Variants in SMG7 observed in about 807,000 individuals in gnomAD.
SMG7 encodes SMG7 nonsense mediated mRNA decay factor.
A neutral mutation model predicts 148.2 loss-of-function variants in SMG7; 34 were observed. That is an observed-to-expected ratio of 0.23 (90% CI 0.17 to 0.31). The LOEUF (loss-of-function observed/expected upper bound fraction) is 0.31, where lower values mean the gene tolerates loss of function less well. SMG7 is among the 10% of genes least tolerant of loss of function. The probability of loss-of-function intolerance (pLI) is 1.00; values close to 1 mark genes in which losing one functional copy is unlikely to be tolerated. For missense variants in SMG7, 1,114 were observed against 1,408.4 expected, an observed-to-expected ratio of 0.79 and a Z score of 3.35; for synonymous variants, 492 against 515.1, an observed-to-expected ratio of 0.96 and a Z score of 0.61.
chr1:183,552,282 A>C lies in SMG7; in HGVS notation c.*351A>C. ...CTGAGAAGGGAAGGCAGATGGGAGAAGCCAATGGGAACTTCTCAGTCCTTT... is the reference window on the plus strand; with the variant it reads ...CTGAGAAGGGAAGGCAGATGGGAGACGCCAATGGGAACTTCTCAGTCCTTT... On this transcript the variant is annotated 3_prime_UTR_variant, in exon 23 of 23. Transcript: ENST00000688051. 9.8e-7 allele frequency: 1 copy of C among 1,019,410 alleles called. No individual in the cohort carries two copies. The highest frequency in any genetic ancestry group is 9.1e-5 in the East Asian group (1 of 10,972). 63.1% of individuals were successfully genotyped at this position (1,019,410 alleles called of 1,614,324 possible). A position where few individuals can be genotyped will look rare whatever the true frequency, so the allele number is the denominator to read the frequency against.
intron 1 of SMG7, among the ~76,000 whole-genome samples, chr1:183,476,652 G>A (rs1210235735): frequency 2.0e-5 from 3 of 152,174 alleles, no homozygotes; most frequent in Non-Finnish European, 4.4e-5. Flanking sequence ...TTCTGGGCAG[G>A]AAAGGATAAT....
chr1:183,529,636 C>T lies in SMG7; in HGVS notation c.843+103C>T, dbSNP rs1165426855. 7 of 865,752 alleles carry T rather than the reference C, an allele frequency of 8.1e-6. No individual in the cohort carries two copies. In the Admixed American group the frequency reaches 1.7e-4, roughly 21 times the overall value. 53.6% of individuals were successfully genotyped at this position (865,752 alleles called of 1,614,324 possible). ...TTTTGTAGTTACTTAACTGTGTGAACTATTGGTAAAAATTATATTCGAAGT... is the reference window on the plus strand; with the variant it reads ...TTTTGTAGTTACTTAACTGTGTGAATTATTGGTAAAAATTATATTCGAAGT... On this transcript the variant is annotated intron_variant, in intron 8 of 22. Transcript: ENST00000688051.
At chr1:183,525,409 G>A (rs952945249) in intron 4 of SMG7, among the ~76,000 whole-genome samples, 43 of 152,266 alleles carry the variant, frequency 2.8e-4, no homozygotes, top group African/African-American at 9.6e-4. Context: ...GAGGGGTTGT[G>A]TGGAAGCCAG....
At position 183,473,660 on chromosome 1, in the gene SMG7, G is replaced by A. The variant is rs1250396019; in HGVS notation, c.29+1011G>A. The A allele has an allele frequency of 3.9e-6, 3 of 759,578 alleles. No homozygotes were observed. In the African/African-American group the frequency reaches 5.7e-5, roughly 14 times the overall value. The allele number at this position is 759,578 out of a possible 1,614,324, so 47.1% of individuals were successfully genotyped here. On this transcript the variant is annotated intron_variant, in intron 1 of 22. Transcript: ENST00000688051. ...AGGTTGTTAGATCCTGAAATTAACT[G>A]GGGAGTGACTACTGCTTAGAAAAGG...
chr1:183,475,436 G>C (rs1448511582), intron 1 of SMG7, among the ~76,000 whole-genome samples: 4 of 152,180 alleles, frequency 2.6e-5, no homozygotes, highest in Non-Finnish European at 5.9e-5. Context: ...ATAATTTATA[G>C]TTAAAATGGG....
intron 1 of SMG7, chr1:183,502,280 G>A: frequency 6.5e-7 from 1 of 1,533,200 alleles, no homozygotes; most frequent in Non-Finnish European, 8.7e-7. Context: ...TACCTTATGA[G>A]AAATTGGATG....
intron 1 of SMG7, among the ~76,000 whole-genome samples, chr1:183,480,831 AG>A (rs1557942761): frequency 6.6e-6 from 1 of 152,172 alleles, no homozygotes; most frequent in African/African-American, 2.4e-5. Context: ...TCTTCCTGCA[AG>A]CATCAAGAAG....
At chr1:183,529,792 A>G (rs890558356) in intron 8 of SMG7, among the ~76,000 whole-genome samples, 1 of 152,156 alleles carries the variant, frequency 6.6e-6, no homozygotes, top group African/African-American at 2.4e-5. Flanking sequence ...GGAAAAAAAT[A>G]AATAACTCCT....
Position 183,480,213 on chromosome 1 carries a change from TC to T in SMG7, c.29+7567del, listed in dbSNP as rs1356491893. On this transcript the variant is annotated intron_variant, in intron 1 of 22. Transcript: ENST00000688051. ...GTGTCGCTCTCTTCTTTTAAATTAT[TC>T]CCTTTACCGATCTTACTTTCTGTGA... Among the ~76,000 whole-genome samples the T allele has an allele frequency of 2.0e-5, 3 of 152,170 alleles. No individual in the cohort carries two copies. In the East Asian group the frequency reaches 5.8e-4, roughly 29 times the overall value.
intron 6 of SMG7, 87 bp from the exon 7 acceptor site, chr1:183,528,805 G>A: frequency 8.7e-7 from 1 of 1,154,438 alleles, no homozygotes; most frequent in Non-Finnish European, 1.2e-6. Flanking sequence ...CCCATTGTTT[G>A]AGTATTTAAA....
chr1:183,511,552 G>A (rs932650620), intron 1 of SMG7, among the ~76,000 whole-genome samples: 9 of 152,168 alleles, frequency 5.9e-5, no homozygotes, highest in East Asian at 1.9e-4. Context: ...AAATGAGCCC[G>A]GAGATCAAGG....
intron 4 of SMG7, 41 bp downstream of exon 4, chr1:183,517,861 G>T: frequency 6.2e-7 from 1 of 1,602,854 alleles, no homozygotes; most frequent in Non-Finnish European, 8.5e-7. Flanking sequence ...ACTATTAGTG[G>T]TAAATATTCT....
chr1:183,510,027 G>C (rs914275398), intron 1 of SMG7, among the ~76,000 whole-genome samples: 1 of 152,146 alleles, frequency 6.6e-6, no homozygotes, highest in African/African-American at 2.4e-5. Context: ...TTAGGTGGAT[G>C]TTAGCATACT....
chr1:183,530,305 G>A lies in SMG7; in HGVS notation c.843+772G>A, dbSNP rs927744010. ...TTTCTGTAAGTTCTTTATAAGTCAGGCATTTTAAGAGATTGTAGAACTTGG... is the reference window on the plus strand; with the variant it reads ...TTTCTGTAAGTTCTTTATAAGTCAGACATTTTAAGAGATTGTAGAACTTGG... On this transcript the variant is annotated intron_variant, in intron 8 of 22. Coordinates refer to ENST00000688051, the MANE Select transcript of SMG7 (RefSeq NM_001375584.1). Among the ~76,000 whole-genome samples the A allele has an allele frequency of 1.9e-4, 29 of 152,048 alleles. 1 individual carries two copies. The highest frequency in any genetic ancestry group is 4.1e-4 in the Non-Finnish European group (28 of 67,970).
chr1:183,502,639 G>T (rs1467776301), intron 1 of SMG7, among the ~76,000 whole-genome samples: 1 of 152,080 alleles, frequency 6.6e-6, no homozygotes, highest in African/African-American at 2.4e-5. Flanking sequence ...TTTTACTGAA[G>T]TAAATTTTTA....
At chr1:183,480,591 A>G (rs1387513652) in intron 1 of SMG7, among the ~76,000 whole-genome samples, 1 of 152,096 alleles carries the variant, frequency 6.6e-6, no homozygotes, top group East Asian at 1.9e-4. Flanking sequence ...AGTTTGGGCC[A>G]TGCTATATCC....
intron 1 of SMG7, among the ~76,000 whole-genome samples, chr1:183,511,068 A>C (rs1662013128): frequency 6.6e-6 from 1 of 152,024 alleles, no homozygotes; most frequent in Non-Finnish European, 1.5e-5. Flanking sequence ...AGGCTGAGGC[A>C]GGAGGATCTC....
At chr1:183,515,658 A>T (rs1239451372) in intron 2 of SMG7, among the ~76,000 whole-genome samples, 1 of 151,034 alleles carries the variant, frequency 6.6e-6, no homozygotes, top group Non-Finnish European at 1.5e-5. Flanking sequence ...TTTCAAAACT[A>T]AAAACAGAAG....
chr1:183,530,237 G>A (rs1666621019), intron 8 of SMG7, among the ~76,000 whole-genome samples: 1 of 151,978 alleles, frequency 6.6e-6, no homozygotes, highest in Non-Finnish European at 1.5e-5. Context: ...TTATTTCTAG[G>A]TATCTATATA....
Sources: allele counts gnomAD v4.1 joint callset (sites outside exome capture counted in the v4.1 genomes callset), GRCh38; gene constraint gnomAD v4.1.1; transcripts MANE v1.5; gene names NCBI Gene and HGNC (gene_info 2026-07-23, HGNC 2026-07-21).